The following USP7 variants were observed in gnomAD, a reference collection of about 807,000 sequenced individuals.
USP7 encodes the protein ubiquitin specific peptidase 7.
USP7 carries 9 observed loss-of-function variants against 162.9 expected under a neutral mutation model. That is an observed-to-expected ratio of 0.06 (90% CI 0.03 to 0.10). USP7 has a LOEUF of 0.10. Among genes scored for constraint, USP7 ranks in the 10% least tolerant of loss-of-function variants. The pLI, the probability that USP7 is intolerant of heterozygous loss-of-function variation, is 1.00. For synonymous variants in USP7, 562 were observed against 475.9 expected, an observed-to-expected ratio of 1.18 and a Z score of -2.35; for missense variants, 715 against 1,373.7, an observed-to-expected ratio of 0.52 and a Z score of 7.58.
chr16:8,939,020 T>C (rs187614), intron 1 of USP7, among the ~76,000 whole-genome samples: 99,765 of 151,958 alleles, frequency 0.66, 35,422 homozygotes, highest in East Asian at 0.87. Flanking sequence ...CTTTTCCTAG[T>C]TTCCCCTTAC....
intron 1 of USP7, among the ~76,000 whole-genome samples, chr16:8,937,356 C>G (rs576734121): frequency 6.6e-6 from 1 of 152,224 alleles, no homozygotes; most frequent in East Asian, 1.9e-4. Context: ...ACCAGCCTGG[C>G]CATGGCAAAA....
chr16:8,936,952 C>A (rs939104943), intron 1 of USP7, among the ~76,000 whole-genome samples: 6 of 152,028 alleles, frequency 3.9e-5, no homozygotes, highest in African/African-American at 1.4e-4. Flanking sequence ...GTTAACAACC[C>A]GAGAAAGTCG....
chr16:8,904,380 G>T, intron 15 of USP7, 55 bp downstream of exon 15: 1 of 1,601,516 alleles, frequency 6.2e-7, no homozygotes, highest in African/African-American at 1.3e-5. Context: ...CTTGTGTATA[G>T]AGATGGGTGC....
rs1344872811 is a variant in USP7 at position 8,963,872 on chromosome 16, G to C, written c.-587C>G. On this transcript the variant is annotated 5_prime_UTR_variant, in exon 1 of 31. Transcript: ENST00000344836. ...GACGCGGCGCCCGGCAGCTCGGCTC[G>C]GCTCGCTCTCAAAATGGCGGCGGCG... is the stretch of plus-strand genomic sequence containing the variant. 6.8e-6 allele frequency among the ~76,000 whole-genome samples: 1 copy of C among 146,752 alleles called. No individual in the cohort carries two copies. The highest frequency in any genetic ancestry group is 2.0e-4 in the East Asian group (1 of 5,064).
chr16:8,954,439 G>A (rs1899694606), intron 1 of USP7, among the ~76,000 whole-genome samples: 1 of 152,180 alleles, frequency 6.6e-6, no homozygotes, highest in South Asian at 2.1e-4. Context: ...CATCATATGA[G>A]GCGTGACTGC....
At chr16:8,936,318 T>A (rs1048168388) in intron 1 of USP7, among the ~76,000 whole-genome samples, 1 of 152,078 alleles carries the variant, frequency 6.6e-6, no homozygotes, top group Non-Finnish European at 1.5e-5. Flanking sequence ...CCCCCATCAG[T>A]TCACCTTGAA....
At chr16:8,912,449 CAA>C (rs60623981) in intron 10 of USP7, among the ~76,000 whole-genome samples, 10 of 122,908 alleles carry the variant, frequency 8.1e-5, no homozygotes, top group Admixed American at 1.6e-4. Flanking sequence ...GACTCCATGT[CAA>C]AAAAAAAAAA....
intron 2 of USP7, among the ~76,000 whole-genome samples, chr16:8,923,888 A>C (rs776087668): frequency 9.2e-5 from 14 of 152,228 alleles, no homozygotes; most frequent in Non-Finnish European, 1.9e-4. Flanking sequence ...ATTCCCCTGG[A>C]AGCTCAGCAC....
intron 11 of USP7, among the ~76,000 whole-genome samples, chr16:8,909,517 C>A (rs1001210286): frequency 6.6e-6 from 1 of 152,248 alleles, no homozygotes; most frequent in African/African-American, 2.4e-5. Context: ...CCGCTGTCCA[C>A]TGAGGCTTCG....
chr16:8,937,633 GCTGCACCA>G (rs1898825225), intron 1 of USP7, among the ~76,000 whole-genome samples: 1 of 152,168 alleles, frequency 6.6e-6, no homozygotes, highest in South Asian at 2.1e-4. Context: ...GTGAGCAAGG[GCTGCACCA>G]CTGCCATTCC....
chr16:8,916,390 A>C (rs538200705), intron 8 of USP7, 112 bp downstream of exon 8: 2 of 1,168,030 alleles, frequency 1.7e-6, no homozygotes, highest in South Asian at 1.6e-5. Flanking sequence ...TCTGATCCTA[A>C]ACAAAGATGG....
At chr16:8,896,959 C>G (rs1192659637) in intron 26 of USP7, 40 bp downstream of exon 26, 2 of 1,506,138 alleles carry the variant, frequency 1.3e-6, no homozygotes, top group Non-Finnish European at 1.8e-6. Flanking sequence ...AACTGCCACC[C>G]CTAACTGAAC....
intron 25 of USP7, among the ~76,000 whole-genome samples, chr16:8,897,716 A>ATATATAT (rs1596350235): frequency 1.6e-3 from 72 of 46,064 alleles, no homozygotes; most frequent in Non-Finnish European, 2.5e-3. Context: ...AAAAAAAAAA[A>ATATATAT]AAAAAAAAAA....
At chr16:8,912,460 A>AC (rs931664323) in intron 10 of USP7, among the ~76,000 whole-genome samples, 19 of 151,802 alleles carry the variant, frequency 1.3e-4, no homozygotes, top group East Asian at 1.2e-3. Context: ...AAAAAAAAAA[A>AC]AAGAAAGAAA....
intron 29 of USP7, 42 bp downstream of exon 29, chr16:8,894,742 G>A: frequency 6.2e-7 from 1 of 1,613,970 alleles, no homozygotes; most frequent in Non-Finnish European, 8.5e-7. Context: ...CAAGGCTTGA[G>A]CCTATGGCCC....
At chr16:8,948,037 C>A (rs1732326401) in intron 1 of USP7, among the ~76,000 whole-genome samples, 1 of 152,226 alleles carries the variant, frequency 6.6e-6, no homozygotes, top group Admixed American at 6.5e-5. Flanking sequence ...CCACTCCCAC[C>A]CACCACCTCT....
intron 7 of USP7, among the ~76,000 whole-genome samples, 170 bp downstream of exon 7, chr16:8,916,856 G>C (rs576053843): frequency 6.6e-6 from 1 of 150,724 alleles, no homozygotes; most frequent in Non-Finnish European, 1.5e-5. Context: ...TTTCCAAAGA[G>C]ATAAAACAAA....
At chr16:8,939,609 T>C (rs1898938703) in intron 1 of USP7, among the ~76,000 whole-genome samples, 1 of 152,260 alleles carries the variant, frequency 6.6e-6, no homozygotes, top group Non-Finnish European at 1.5e-5. Context: ...TCAACTGGCC[T>C]TCCCTGAGTG....
intron 1 of USP7, among the ~76,000 whole-genome samples, chr16:8,958,777 G>A (rs1275201344): frequency 6.6e-6 from 1 of 152,208 alleles, no homozygotes. Context: ...AGTGGCGCAT[G>A]GCACCAAATC....
Sources: allele counts gnomAD v4.1 joint callset (sites outside exome capture counted in the v4.1 genomes callset), GRCh38; gene constraint gnomAD v4.1.1; transcripts MANE v1.5; gene names NCBI Gene and HGNC (gene_info 2026-07-23, HGNC 2026-07-21).